SCLT1: variants seen among roughly 807,000 people sequenced by gnomAD.
SCLT1 encodes sodium channel-associated protein 1.
Under a neutral mutation model 112.8 loss-of-function variants are expected in SCLT1, and 78 were observed. That is an observed-to-expected ratio of 0.69 (90% confidence interval 0.58 to 0.83). The LOEUF (loss-of-function observed/expected upper bound fraction) is 0.83, where lower values mean the gene tolerates loss of function less well. Ranked by LOEUF, SCLT1 falls within the 40% of genes least tolerant of loss-of-function variation. SCLT1 has a pLI of 0.00. For synonymous variants in SCLT1, 257 were observed against 254.7 expected (o/e 1.01, Z -0.09); for missense variants, 747 against 770.4 (o/e 0.97, Z 0.36).
intron 9 of SCLT1, among the ~76,000 whole-genome samples, chr4:128,990,362 C>T (rs892381558): frequency 2.6e-5 from 4 of 151,786 alleles, no homozygotes; most frequent in Non-Finnish European, 4.4e-5. Flanking sequence ...TCAATTGATG[C>T]TGAAAAAGTA....
At chr4:129,035,300 G>A (rs1560995224) in intron 5 of SCLT1, among the ~76,000 whole-genome samples, 1 of 152,110 alleles carries the variant, frequency 6.6e-6, no homozygotes, top group Non-Finnish European at 1.5e-5. Context: ...AAAAGGGGAA[G>A]GCTTTCTTTT....
intron 18 of SCLT1, among the ~76,000 whole-genome samples, chr4:128,893,372 AC>A (rs1445511709): frequency 6.6e-6 from 1 of 152,194 alleles, no homozygotes; most frequent in Non-Finnish European, 1.5e-5. Flanking sequence ...ATAGTGAGCA[AC>A]TTCATTATTC....
chr4:128,920,592 G>A (rs1447713470), intron 18 of SCLT1, among the ~76,000 whole-genome samples: 2 of 152,116 alleles, frequency 1.3e-5, no homozygotes, highest in Non-Finnish European at 2.9e-5. Flanking sequence ...CCTAGAAAAG[G>A]CTTTTAATAA....
intron 18 of SCLT1, among the ~76,000 whole-genome samples, chr4:128,926,805 T>C (rs1433091722): frequency 6.6e-6 from 1 of 152,022 alleles, no homozygotes; most frequent in Non-Finnish European, 1.5e-5. Flanking sequence ...AACAATAATA[T>C]ATAAGCTGGG....
chr4:128,940,152 T>A (rs931996301), intron 17 of SCLT1, among the ~76,000 whole-genome samples: 2 of 151,620 alleles, frequency 1.3e-5, no homozygotes, highest in African/African-American at 4.8e-5. Context: ...AATTCATTGA[T>A]TCCATCCCCA....
rs74469823 is a variant in SCLT1 at position 129,002,502 on chromosome 4, A to C, written c.426+1239T>G. 3.7e-3 allele frequency among the ~76,000 whole-genome samples: 566 copies of C among 152,276 alleles called. 1 individual carries two copies. The highest frequency in any genetic ancestry group is 0.011 in the African/African-American group (469 of 41,572). Reference sequence around the variant, plus strand: ...CAGAAAAAAGAACACTGAAAAATACAAATTTAGAGAAATAATGGATTTTTT... The same window carrying C: ...CAGAAAAAAGAACACTGAAAAATACCAATTTAGAGAAATAATGGATTTTTT... On this transcript the variant is annotated intron_variant, in intron 6 of 20. Transcript: ENST00000281142.
chr4:129,060,145 A>G (rs1358293618), intron 2 of SCLT1, among the ~76,000 whole-genome samples: 5 of 151,942 alleles, frequency 3.3e-5, no homozygotes, highest in Non-Finnish European at 7.4e-5. Flanking sequence ...TTTTCAATTA[A>G]TTAATCAAAT....
At chr4:129,032,494 C>G (rs371679925) in intron 5 of SCLT1, among the ~76,000 whole-genome samples, 1 of 151,984 alleles carries the variant, frequency 6.6e-6, no homozygotes, top group Admixed American at 6.6e-5. Flanking sequence ...CAAATGGGAT[C>G]GAATTAAATG....
chr4:129,077,151 C>T (rs1438809965), intron 2 of SCLT1, among the ~76,000 whole-genome samples: 4 of 152,102 alleles, frequency 2.6e-5, no homozygotes, highest in African/African-American at 9.7e-5. Context: ...AGAAAACTTA[C>T]TTTGATCCAA....
intron 13 of SCLT1, among the ~76,000 whole-genome samples, chr4:128,953,946 ATAAG>A (rs1738999977): frequency 6.6e-6 from 1 of 152,200 alleles, no homozygotes; most frequent in African/African-American, 2.4e-5. Context: ...ATAACATTTA[ATAAG>A]TAACATTTAA....
Position 129,021,679 on chromosome 4 carries a change from A to G in SCLT1, c.290+17362T>C, listed in dbSNP as rs144382623. Among the ~76,000 whole-genome samples, 9 of 152,338 alleles carry G rather than the reference A, an allele frequency of 5.9e-5. No homozygotes were observed. The East Asian group carries it at 1.5e-3, about 26-fold the overall frequency. On this transcript the variant is annotated intron_variant, in intron 5 of 20. Transcript: ENST00000281142. ...AGTTAACAGCCCCAGTTAGGGCCCT[A>G]CAGACAAAATCCCCATTGCCCTAAG...
intron 2 of SCLT1, among the ~76,000 whole-genome samples, chr4:129,080,539 T>C (rs1751847706): frequency 1.3e-5 from 2 of 152,214 alleles, no homozygotes; most frequent in South Asian, 4.1e-4. Flanking sequence ...TAGTTCCCAG[T>C]AAGCTCCTCT....
intron 2 of SCLT1, among the ~76,000 whole-genome samples, chr4:129,081,454 A>C (rs1208644850): frequency 6.6e-6 from 1 of 152,228 alleles, no homozygotes; most frequent in East Asian, 1.9e-4. Context: ...TTTCCCCAAC[A>C]CAGGCTATAC....
chr4:129,005,909 C>A (rs1259778578), intron 5 of SCLT1, among the ~76,000 whole-genome samples: 2 of 150,462 alleles, frequency 1.3e-5, no homozygotes, highest in African/African-American at 4.9e-5. Context: ...AGTAAACTAT[C>A]GCAAGGACAA....
intron 5 of SCLT1, chr4:128,873,800 TAATGA>T (rs1732379734): frequency 6.6e-6 from 1 of 152,616 alleles, no homozygotes; most frequent in Non-Finnish European, 1.5e-5. Context: ...TTATGATACT[TAATGA>T]ATAATGCTTT....
intron 18 of SCLT1, among the ~76,000 whole-genome samples, chr4:128,911,116 A>T (rs562401214): frequency 6.6e-6 from 1 of 152,138 alleles, no homozygotes; most frequent in Non-Finnish European, 1.5e-5. Context: ...ATACAAAAAA[A>T]TTAGCTGGGT....
intron 1 of SCLT1, among the ~76,000 whole-genome samples, chr4:129,084,473 G>C (rs1752227989): frequency 6.6e-6 from 1 of 151,976 alleles, no homozygotes; most frequent in African/African-American, 2.4e-5. Flanking sequence ...AACAGAAGAT[G>C]TTTAAGACCT....
intron 1 of SCLT1, among the ~76,000 whole-genome samples, chr4:129,091,563 G>A (rs569161585): frequency 5.9e-5 from 9 of 151,918 alleles, no homozygotes; most frequent in Admixed American, 4.6e-4. Flanking sequence ...CTACTCTTAC[G>A]GTGGCCAGTT....
chr4:128,885,159 T>C (rs1020261595), intron 20 of SCLT1, among the ~76,000 whole-genome samples: 1 of 152,176 alleles, frequency 6.6e-6, no homozygotes, highest in African/African-American at 2.4e-5. Flanking sequence ...AATGCAAGGC[T>C]GATAATAAAG....
Sources: gnomAD v4.1 joint callset for allele counts (sites outside exome capture counted in the v4.1 genomes callset) on GRCh38, gnomAD v4.1.1 for gene constraint, MANE v1.5 for transcripts, NCBI Gene and HGNC (gene_info 2026-07-23, HGNC 2026-07-21) for gene names.